The following HS6ST3 variants were observed in gnomAD, a reference collection of about 807,000 sequenced individuals.
HS6ST3 encodes heparan-sulfate 6-O-sulfotransferase 3.
HS6ST3 carries 12 observed loss-of-function variants against 36.7 expected under a neutral mutation model. That is an observed-to-expected ratio of 0.33 (90% CI 0.21 to 0.53). The LOEUF is 0.53. Among genes scored for constraint, HS6ST3 ranks in the 20% least tolerant of loss-of-function variants. The pLI is 0.95. For synonymous variants in HS6ST3, 240 were observed against 257.5 expected (o/e 0.93, Z 0.65); for missense variants, 584 against 640.9 (o/e 0.91, Z 0.96).
chr13:96,306,985 T>G lies in HS6ST3; in HGVS notation c.707+215416T>G, dbSNP rs148961001. Among the ~76,000 whole-genome samples the G allele has an allele frequency of 3.2e-4, 49 of 152,282 alleles. 1 individual carries two copies. In the East Asian group the frequency reaches 7.9e-3, roughly 25 times the overall value. On this transcript the variant is annotated intron_variant, in intron 1 of 1. Coordinates refer to ENST00000376705, the MANE Select transcript of HS6ST3 (RefSeq NM_153456.4). ...CTGATTCAAGTAAATACAAAGGAGA[T>G]TCAGACAGCTCCATCAATGTTAGGA... is the stretch of plus-strand genomic sequence containing the variant.
intron 1 of HS6ST3, among the ~76,000 whole-genome samples, chr13:96,761,583 C>A (rs1175201835): frequency 6.6e-6 from 1 of 151,954 alleles, no homozygotes; most frequent in Non-Finnish European, 1.5e-5. Flanking sequence ...GGTGTGTGCC[C>A]TTCCCAATCT....
At chr13:96,137,326 G>A (rs2054007423) in intron 1 of HS6ST3, among the ~76,000 whole-genome samples, 1 of 152,000 alleles carries the variant, frequency 6.6e-6, no homozygotes, top group Admixed American at 6.6e-5. Flanking sequence ...GTTATTGCAG[G>A]TATGAATAGT....
At chr13:96,655,438 A>G (rs1196630859) in intron 1 of HS6ST3, among the ~76,000 whole-genome samples, 2 of 152,108 alleles carry the variant, frequency 1.3e-5, no homozygotes, top group African/African-American at 2.4e-5. Flanking sequence ...TTGAACTTTT[A>G]CTCAAAACTT....
intron 1 of HS6ST3, among the ~76,000 whole-genome samples, chr13:96,590,270 T>G (rs143864082): frequency 7.0e-4 from 107 of 152,298 alleles, no homozygotes; most frequent in African/African-American, 2.1e-3. Flanking sequence ...CAAACTGTTT[T>G]CCATACTGGT....
intron 1 of HS6ST3, among the ~76,000 whole-genome samples, chr13:96,189,730 G>T (rs2054280233): frequency 6.6e-6 from 1 of 152,180 alleles, no homozygotes; most frequent in Non-Finnish European, 1.5e-5. Context: ...CTGTGGGTCA[G>T]ACATTTCTGG....
At chr13:96,644,602 A>G (rs1335596836) in intron 1 of HS6ST3, among the ~76,000 whole-genome samples, 1 of 152,016 alleles carries the variant, frequency 6.6e-6, no homozygotes, top group Non-Finnish European at 1.5e-5. Flanking sequence ...TGCAGAGAGT[A>G]GAAGCAGCCT....
chr13:96,102,393 A>G (rs2053822394), intron 1 of HS6ST3, among the ~76,000 whole-genome samples: 1 of 152,120 alleles, frequency 6.6e-6, no homozygotes, highest in South Asian at 2.1e-4. Context: ...GAGGCAGGAT[A>G]ATTGCTTGAA....
intron 1 of HS6ST3, among the ~76,000 whole-genome samples, chr13:96,628,301 A>G (rs1432032483): frequency 6.6e-6 from 1 of 151,956 alleles, no homozygotes; most frequent in East Asian, 1.9e-4. Flanking sequence ...TTTAAATTCC[A>G]AATATATAAT....
At chr13:96,199,039 G>A (rs1174724323) in intron 1 of HS6ST3, among the ~76,000 whole-genome samples, 1 of 152,168 alleles carries the variant, frequency 6.6e-6, no homozygotes, top group African/African-American at 2.4e-5. Flanking sequence ...AAGAGAAAAT[G>A]AGAGAGAAGC....
chr13:96,799,964 GTGTATATATATATATATGTA>G (rs1878011464), intron 1 of HS6ST3, among the ~76,000 whole-genome samples: 3 of 55,314 alleles, frequency 5.4e-5, no homozygotes, highest in Non-Finnish European at 9.5e-5. Context: ...ATATATATAT[GTGTATATATATATATATGTA>G]TATATATATA....
intron 1 of HS6ST3, among the ~76,000 whole-genome samples, chr13:96,718,895 C>T (rs965787069): frequency 3.3e-4 from 50 of 152,218 alleles, no homozygotes; most frequent in African/African-American, 1.2e-3. Flanking sequence ...TAAAGGTGTA[C>T]CTTTATAAAG....
chr13:96,267,012 A>C (rs1026828346), intron 1 of HS6ST3, among the ~76,000 whole-genome samples: 3 of 152,100 alleles, frequency 2.0e-5, no homozygotes, highest in African/African-American at 7.2e-5. Flanking sequence ...GAGGGACCTG[A>C]TGGGAGGGAC....
At chr13:96,122,219 T>TAGTG (rs2053929432) in intron 1 of HS6ST3, among the ~76,000 whole-genome samples, 1 of 151,446 alleles carries the variant, frequency 6.6e-6, no homozygotes, top group Admixed American at 6.6e-5. Flanking sequence ...AGATAGAAAG[T>TAGTG]AGTGGAACCA....
intron 1 of HS6ST3, among the ~76,000 whole-genome samples, chr13:96,817,688 T>C (rs1470157582): frequency 2.6e-5 from 4 of 152,214 alleles, no homozygotes; most frequent in Non-Finnish European, 5.9e-5. Flanking sequence ...ATGCTTTGAA[T>C]TGTTTTTCAT....
At chr13:96,604,381 G>A (rs2056431409) in intron 1 of HS6ST3, among the ~76,000 whole-genome samples, 1 of 152,152 alleles carries the variant, frequency 6.6e-6, no homozygotes, top group African/African-American at 2.4e-5. Context: ...TTTTGGAAAT[G>A]GAGGTGCTGA....
rs139450404 is a variant in HS6ST3 at position 96,838,263 on chromosome 13, G to C, written c.*5065G>C. ...TGTCCTCTAGAACTAGGGCAGCCTGGAAACATATGGACTATAATTATTTTA... is the reference window on the plus strand; with the variant it reads ...TGTCCTCTAGAACTAGGGCAGCCTGCAAACATATGGACTATAATTATTTTA... On this transcript the variant is annotated 3_prime_UTR_variant, in exon 2 of 2. Coordinates refer to ENST00000376705, the MANE Select transcript of HS6ST3 (RefSeq NM_153456.4). 1.3e-5 allele frequency: 2 copies of C among 152,192 alleles called. No individual in the cohort carries two copies. Among genetic ancestry groups the C allele is most frequent in the Non-Finnish European group, 2.9e-5 (2 of 68,010 alleles). The allele number at this position is 152,192 out of a possible 1,614,324, so 9.4% of individuals were successfully genotyped here.
At chr13:96,275,465 C>T (rs941426894) in intron 1 of HS6ST3, among the ~76,000 whole-genome samples, 10 of 152,090 alleles carry the variant, frequency 6.6e-5, no homozygotes, top group East Asian at 1.9e-4. Flanking sequence ...ATACAGCAAC[C>T]GGCAGTGCAT....
intron 1 of HS6ST3, among the ~76,000 whole-genome samples, chr13:96,385,281 A>G (rs1166485471): frequency 6.6e-6 from 1 of 152,192 alleles, no homozygotes; most frequent in African/African-American, 2.4e-5. Context: ...ATATTTGTCA[A>G]AATACACTTC....
chr13:96,499,596 G>T (rs998250661), intron 1 of HS6ST3, among the ~76,000 whole-genome samples: 2 of 151,950 alleles, frequency 1.3e-5, no homozygotes, highest in African/African-American at 4.8e-5. Context: ...CATGAGGAAA[G>T]CGACATGTGA....
Sources: allele counts gnomAD v4.1 joint callset (sites outside exome capture counted in the v4.1 genomes callset), GRCh38; gene constraint gnomAD v4.1.1; transcripts MANE v1.5; gene names NCBI Gene and HGNC (gene_info 2026-07-23, HGNC 2026-07-21).